The following XYLT1 variants were observed in gnomAD, a reference collection of about 807,000 sequenced individuals.
XYLT1 encodes xylosyltransferase 1, also known as beta-D-xylosyltransferase 1.
XYLT1 carries 36 observed loss-of-function variants against 91.3 expected under a neutral mutation model. The observed-to-expected ratio is 0.39, with a 90% CI of 0.30 to 0.52. The LOEUF is 0.52. Ranked by LOEUF, XYLT1 falls within the 20% of genes least tolerant of loss-of-function variation. XYLT1 has a pLI of 0.68. For missense variants in XYLT1, 1,242 were observed against 1,284.5 expected (o/e 0.97, Z 0.51); for synonymous variants, 588 against 532.0 (o/e 1.11, Z -1.45).
chr16:17,240,444 G>A (rs2033327982), intron 3 of XYLT1, among the ~76,000 whole-genome samples: 1 of 152,166 alleles, frequency 6.6e-6, no homozygotes, highest in South Asian at 2.1e-4. Context: ...GATTCACTTG[G>A]GAGAGGCAGG....
rs2030682461 is a variant in XYLT1, at chr16:17,135,519, C to T, written c.1765-784G>A. Among the ~76,000 whole-genome samples, 3 of 141,308 alleles carry T rather than the reference C, an allele frequency of 2.1e-5. No individual in the cohort carries two copies. The Admixed American group carries it at 2.2e-4, about 10-fold the overall frequency. 92.7% of individuals were successfully genotyped at this position (141,308 alleles called of 152,430 possible). ...TGGGTGACAGAACAAGACTCTGTCTCAGAGAAAAAGGACCTACTGAGTCAA... is the reference window on the plus strand; with the variant it reads ...TGGGTGACAGAACAAGACTCTGTCTTAGAGAAAAAGGACCTACTGAGTCAA... On this transcript the variant is annotated intron_variant, in intron 8 of 11. Coordinates refer to ENST00000261381, the MANE Select transcript of XYLT1 (RefSeq NM_022166.4).
chr16:17,269,138 T>G (rs1422175603), intron 2 of XYLT1, among the ~76,000 whole-genome samples: 1 of 152,172 alleles, frequency 6.6e-6, no homozygotes, highest in Non-Finnish European at 1.5e-5. Context: ...TATAAAGACT[T>G]GAATGAAATG....
intron 4 of XYLT1, 66 bp from the exon 5 acceptor site, chr16:17,198,480 C>T: frequency 6.7e-7 from 1 of 1,489,690 alleles, no homozygotes; most frequent in South Asian, 1.3e-5. Context: ...ATGCCCCTCA[C>T]CCCTGTCCCC....
intron 10 of XYLT1, among the ~76,000 whole-genome samples, chr16:17,123,796 G>A (rs2030159377): frequency 6.6e-6 from 1 of 152,170 alleles, no homozygotes; most frequent in East Asian, 1.9e-4. Flanking sequence ...CTTAGGTCTA[G>A]TAGTATTGTT....
chr16:17,216,077 A>G (rs2141603682), intron 3 of XYLT1, among the ~76,000 whole-genome samples: 1 of 152,294 alleles, frequency 6.6e-6, no homozygotes, highest in African/African-American at 2.4e-5. Context: ...GTGTCCAGAA[A>G]GCCTGCTCTA....
At chr16:17,385,384 C>T (rs1187365206) in intron 1 of XYLT1, among the ~76,000 whole-genome samples, 2 of 151,630 alleles carry the variant, frequency 1.3e-5, no homozygotes, top group Non-Finnish European at 2.9e-5. Flanking sequence ...CTCTTGTGTG[C>T]TCTTTTCAGC....
intron 1 of XYLT1, among the ~76,000 whole-genome samples, chr16:17,361,449 G>A (rs1036331652): frequency 6.6e-6 from 1 of 152,170 alleles, no homozygotes; most frequent in Non-Finnish European, 1.5e-5. Flanking sequence ...CACTGACCTC[G>A]ATAGATCAAA....
chr16:17,452,305 CTTT>C (rs35177574), intron 1 of XYLT1, among the ~76,000 whole-genome samples: 3 of 131,654 alleles, frequency 2.3e-5, no homozygotes, highest in Admixed American at 7.7e-5. Context: ...CAGTTTTTTT[CTTT>C]TTTTTTTTTT....
chr16:17,141,030 TG>T, intron 7 of XYLT1, 122 bp downstream of exon 7: 2 of 920,654 alleles, frequency 2.2e-6, no homozygotes, highest in Non-Finnish European at 3.4e-6. Flanking sequence ...CAAGGATGTC[TG>T]GGTGTGTAGA....
At chr16:17,427,857 T>A (rs539191817) in intron 1 of XYLT1, among the ~76,000 whole-genome samples, 48 of 152,130 alleles carry the variant, frequency 3.2e-4, no homozygotes, top group Non-Finnish European at 5.9e-4. Flanking sequence ...TTCACCTGTC[T>A]ACCACCTCAA....
At chr16:17,451,478 G>A (rs539289664) in intron 1 of XYLT1, among the ~76,000 whole-genome samples, 1 of 152,288 alleles carries the variant, frequency 6.6e-6, no homozygotes, top group East Asian at 1.9e-4. Context: ...GTCAGGGAAC[G>A]CGTTCTGTCC....
At chr16:17,293,200 G>A (rs1449874757) in intron 2 of XYLT1, among the ~76,000 whole-genome samples, 1 of 152,182 alleles carries the variant, frequency 6.6e-6, no homozygotes, top group Admixed American at 6.5e-5. Flanking sequence ...GGTCCTGGAA[G>A]GTTGGGAGGG....
At chr16:17,351,760 G>A (rs1282368047) in intron 2 of XYLT1, among the ~76,000 whole-genome samples, 1 of 149,638 alleles carries the variant, frequency 6.7e-6, no homozygotes, top group South Asian at 2.1e-4. Flanking sequence ...GGGGGGGGGT[G>A]CTTTCCTGTG....
chr16:17,357,514 C>G (rs1271884989), intron 2 of XYLT1, among the ~76,000 whole-genome samples: 1 of 152,192 alleles, frequency 6.6e-6, no homozygotes, highest in Admixed American at 6.5e-5. Flanking sequence ...TCCTCCTCCC[C>G]ACACGGAAAT....
chr16:17,322,460 A>G (rs141449786), intron 2 of XYLT1, among the ~76,000 whole-genome samples: 238 of 152,316 alleles, frequency 1.6e-3, no homozygotes, highest in African/African-American at 5.6e-3. Context: ...GAAGAATTTC[A>G]TGCAGCTGAG....
At chr16:17,252,365 A>G (rs749872784) in intron 3 of XYLT1, among the ~76,000 whole-genome samples, 2 of 152,118 alleles carry the variant, frequency 1.3e-5, no homozygotes, top group Non-Finnish European at 2.9e-5. Context: ...TTGACTTTCA[A>G]TCTGACCTGG....
At chr16:17,459,247 C>T (rs1487928628) in intron 1 of XYLT1, among the ~76,000 whole-genome samples, 1 of 152,148 alleles carries the variant, frequency 6.6e-6, no homozygotes, top group Non-Finnish European at 1.5e-5. Context: ...TGGCACGCAC[C>T]TGTAGTCCCA....
At chr16:17,178,284 G>A (rs1292608857) in intron 5 of XYLT1, among the ~76,000 whole-genome samples, 1 of 152,230 alleles carries the variant, frequency 6.6e-6, no homozygotes, top group Non-Finnish European at 1.5e-5. Flanking sequence ...TAAAATAAAG[G>A]GAGCCTGCTG....
chr16:17,229,277 G>C (rs981619227), intron 3 of XYLT1, among the ~76,000 whole-genome samples: 24 of 152,332 alleles, frequency 1.6e-4, no homozygotes, highest in African/African-American at 5.1e-4. Flanking sequence ...GCCCGGGCCA[G>C]TCCTGGCCCG....
Sources: gnomAD v4.1 joint callset for allele counts (sites outside exome capture counted in the v4.1 genomes callset) on GRCh38, gnomAD v4.1.1 for gene constraint, MANE v1.5 for transcripts, NCBI Gene and HGNC (gene_info 2026-07-23, HGNC 2026-07-21) for gene names.